LRRTM3: variants seen among roughly 807,000 people sequenced by gnomAD.
LRRTM3 encodes the protein leucine-rich repeat transmembrane neuronal protein 3.
LRRTM3 carries 24 observed loss-of-function variants against 44.7 expected under a neutral mutation model. The observed-to-expected ratio is 0.54, with a 90% confidence interval of 0.39 to 0.76. The LOEUF (loss-of-function observed/expected upper bound fraction) is 0.76. LRRTM3 is among the 30% of genes least tolerant of loss of function. The pLI is 0.00. For synonymous variants in LRRTM3, 277 were observed against 278.7 expected (o/e 0.99, Z 0.06); for missense variants, 587 against 702.2 (o/e 0.84, Z 1.85).
intron 2 of LRRTM3, among the ~76,000 whole-genome samples, chr10:66,977,443 A>C (rs1490462246): frequency 1.3e-5 from 2 of 151,982 alleles, no homozygotes; most frequent in Non-Finnish European, 2.9e-5. Flanking sequence ...TCAAAAAAAA[A>C]AAAAATGTAT....
At chr10:67,060,128 C>T (rs1219735790) in intron 2 of LRRTM3, among the ~76,000 whole-genome samples, 1 of 151,986 alleles carries the variant, frequency 6.6e-6, no homozygotes, top group Non-Finnish European at 1.5e-5. Context: ...CCAGCCTGGG[C>T]AACATGGCGA....
chr10:66,961,695 C>T (rs1314173824), intron 2 of LRRTM3, among the ~76,000 whole-genome samples: 1 of 152,098 alleles, frequency 6.6e-6, no homozygotes, highest in African/African-American at 2.4e-5. Context: ...ATTTGTATAT[C>T]CTATTATCTA....
intron 2 of LRRTM3, among the ~76,000 whole-genome samples, chr10:66,979,789 C>G (rs905935593): frequency 6.6e-6 from 1 of 151,950 alleles, no homozygotes; most frequent in Non-Finnish European, 1.5e-5. Flanking sequence ...TCAAAATTTC[C>G]CAAAATTTTA....
At chr10:67,049,450 C>A (rs1854951779) in intron 2 of LRRTM3, among the ~76,000 whole-genome samples, 2 of 152,116 alleles carry the variant, frequency 1.3e-5, no homozygotes. Context: ...ATTCTATAAT[C>A]TAAATATATC....
chr10:66,934,676 T>C (rs1847591403), intron 2 of LRRTM3, among the ~76,000 whole-genome samples: 1 of 152,088 alleles, frequency 6.6e-6, no homozygotes, highest in Non-Finnish European at 1.5e-5. Context: ...ACTTTATGTA[T>C]AGGGGTACTC....
intron 2 of LRRTM3, among the ~76,000 whole-genome samples, chr10:67,014,824 A>T (rs1252411870): frequency 6.6e-6 from 1 of 152,146 alleles, no homozygotes; most frequent in Non-Finnish European, 1.5e-5. Flanking sequence ...AAACATAGCT[A>T]AATGTTTACC....
At chr10:66,970,750 T>G (rs538594786) in intron 2 of LRRTM3, among the ~76,000 whole-genome samples, 1 of 152,232 alleles carries the variant, frequency 6.6e-6, no homozygotes, top group East Asian at 1.9e-4. Flanking sequence ...GCAGAACTAT[T>G]TCAAAAGATA....
rs1360047004 is a variant in LRRTM3, at chr10:66,927,652, C to G, written c.736C>G (p.Gln246Glu). 1.2e-6 allele frequency: 2 copies of G among 1,614,064 alleles called. No individual in the cohort carries two copies. The highest frequency in any genetic ancestry group is 1.7e-6 in the Non-Finnish European group (2 of 1,180,040). The change falls in exon 2 of 3, where the codon CAG becomes GAG. Residue 246 changes from glutamine (Q) to glutamate (E), a missense_variant. Gln to Glu is a conservative substitution (Grantham distance 29). Coordinates refer to ENST00000361320, the MANE Select transcript of LRRTM3 (RefSeq NM_178011.5). The surrounding 1 kb of genome is among the most constrained non-coding windows in gnomAD (Gnocchi z 4.7). ...GTGGAATAAAATCAGTGTCATAGGA[C>G]AGACCATGTCCTGGACCTGGAGCTC... ...LQWNKISVIG[Q>E]TMSWTWSSLQ...
intron 2 of LRRTM3, among the ~76,000 whole-genome samples, chr10:67,086,559 G>A (rs993794277): frequency 6.6e-6 from 1 of 151,908 alleles, no homozygotes; most frequent in Non-Finnish European, 1.5e-5. Context: ...TTTAGATGAG[G>A]CATGTCAAAA....
intron 2 of LRRTM3, among the ~76,000 whole-genome samples, chr10:67,000,613 G>A (rs1257915875): frequency 7.0e-6 from 1 of 143,860 alleles, no homozygotes; most frequent in Non-Finnish European, 1.6e-5. Flanking sequence ...AATTTACCCA[G>A]GAAACAGGAG....
chr10:67,064,741 T>A (rs533150816), intron 2 of LRRTM3, among the ~76,000 whole-genome samples: 1 of 152,210 alleles, frequency 6.6e-6, no homozygotes, highest in Non-Finnish European at 1.5e-5. Context: ...TTTAAGTGTA[T>A]AATATTCTTG....
chr10:67,035,770 TCTTATAG>T (rs1462166946), intron 2 of LRRTM3, among the ~76,000 whole-genome samples: 1 of 140,896 alleles, frequency 7.1e-6, no homozygotes, highest in Non-Finnish European at 1.5e-5. Flanking sequence ...TTAATGTTAT[TCTTATAG>T]CTTTTATCAA....
intron 2 of LRRTM3, among the ~76,000 whole-genome samples, chr10:66,968,943 G>T (rs943892076): frequency 4.6e-5 from 7 of 152,102 alleles, no homozygotes; most frequent in Non-Finnish European, 8.8e-5. Context: ...CTTGAACCCA[G>T]GAAGCGGAGG....
chr10:67,024,076 T>G (rs932312461), intron 2 of LRRTM3, among the ~76,000 whole-genome samples: 1 of 152,194 alleles, frequency 6.6e-6, no homozygotes, highest in African/African-American at 2.4e-5. Context: ...AAGTCCAAAA[T>G]CAGCCTCACT....
At chr10:67,034,896 T>C (rs1474203784) in intron 2 of LRRTM3, among the ~76,000 whole-genome samples, 1 of 152,268 alleles carries the variant, frequency 6.6e-6, no homozygotes, top group African/African-American at 2.4e-5. Flanking sequence ...TTTGATCATG[T>C]TGACATATCT....
At chr10:66,997,454 C>T (rs961066912) in intron 2 of LRRTM3, among the ~76,000 whole-genome samples, 1 of 152,178 alleles carries the variant, frequency 6.6e-6, no homozygotes, top group Non-Finnish European at 1.5e-5. Context: ...ACTGATAAAA[C>T]AATAACATTT....
intron 2 of LRRTM3, among the ~76,000 whole-genome samples, chr10:67,065,288 T>C (rs920483598): frequency 1.3e-5 from 2 of 152,180 alleles, no homozygotes; most frequent in Non-Finnish European, 2.9e-5. Context: ...TGTTTCATCA[T>C]TTAAAAACCA....
chr10:67,002,114 A>T (rs894706454), intron 2 of LRRTM3, among the ~76,000 whole-genome samples: 72 of 152,282 alleles, frequency 4.7e-4, no homozygotes, highest in African/African-American at 1.7e-3. Context: ...CGTTGGATTC[A>T]ATGATCTCTA....
At chr10:67,045,766 C>T (rs1022221609) in intron 2 of LRRTM3, among the ~76,000 whole-genome samples, 1 of 152,026 alleles carries the variant, frequency 6.6e-6, no homozygotes, top group African/African-American at 2.4e-5. Flanking sequence ...GAGGAGAAAC[C>T]GAACTGGAGA....
Sources: allele counts gnomAD v4.1 joint callset (sites outside exome capture counted in the v4.1 genomes callset), GRCh38; gene constraint gnomAD v4.1.1; non-coding constraint Gnocchi (gnomAD v3.1); transcripts MANE v1.5; gene names NCBI Gene and HGNC (gene_info 2026-07-23, HGNC 2026-07-21).